Variants in CAPN2 observed in about 807,000 individuals in gnomAD.
The protein encoded by CAPN2 is calpain-2 catalytic subunit.
In CAPN2, 92 loss-of-function variants were observed where a neutral mutation model predicts 102.3. That is an observed-to-expected ratio of 0.90 (90% CI 0.76 to 1.07). The LOEUF (loss-of-function observed/expected upper bound fraction) is 1.07. Among genes scored for constraint, CAPN2 ranks in the 50% least tolerant of loss-of-function variants. The pLI is 0.00. For synonymous variants in CAPN2, 340 were observed against 355.4 expected, an observed-to-expected ratio of 0.96 and a Z score of 0.49; for missense variants, 800 against 909.4, an observed-to-expected ratio of 0.88 and a Z score of 1.55.
intron 7 of CAPN2, 51 bp from the exon 8 acceptor site, chr1:223,751,946 T>C (rs1422302192): frequency 7.9e-7 from 1 of 1,267,248 alleles, no homozygotes; most frequent in Non-Finnish European, 1.1e-6. Context: ...CTGGGGCCTT[T>C]GGGGAGAAAT....
chr1:223,720,191 A>AC (rs1370946238), intron 2 of CAPN2, among the ~76,000 whole-genome samples: 2 of 151,314 alleles, frequency 1.3e-5, no homozygotes, highest in African/African-American at 2.4e-5. Context: ...GACCTCAGAC[A>AC]CCCCCTATGA....
At chr1:223,749,191 T>C in intron 6 of CAPN2, 69 bp downstream of exon 6, 1 of 1,403,414 alleles carries the variant, frequency 7.1e-7, no homozygotes, top group Non-Finnish European at 1.0e-6. Flanking sequence ...CAGTTTGTGG[T>C]GATGCCCAGG....
At chr1:223,711,636 A>C (rs1659729770), upstream of CAPN2, among the ~76,000 whole-genome samples, 1 of 152,032 alleles carries the variant, frequency 6.6e-6, no homozygotes, top group African/African-American at 2.4e-5. Context: ...TTTGATATGG[A>C]GTTTCGCTTT....
At chr1:223,750,621 A>G (rs553238467) in intron 6 of CAPN2, among the ~76,000 whole-genome samples, 3 of 152,362 alleles carry the variant, frequency 2.0e-5, no homozygotes, top group Non-Finnish European at 4.4e-5. Context: ...AAGTTCAGAG[A>G]TGAAGCACCA....
intron 1 of CAPN2, among the ~76,000 whole-genome samples, chr1:223,703,652 G>A (rs186232535): frequency 6.6e-6 from 1 of 152,264 alleles, no homozygotes; most frequent in East Asian, 1.9e-4. Context: ...TAGGTGTAAG[G>A]CTTATGTTAT....
At chr1:223,749,307 C>A in intron 6 of CAPN2, 185 bp downstream of exon 6, 1 of 599,520 alleles carries the variant, frequency 1.7e-6, no homozygotes, top group South Asian at 2.0e-5. Flanking sequence ...GCGCCGGGTG[C>A]GCCGCGCTGC....
intron 14 of CAPN2, 32 bp from the exon 15 acceptor site, chr1:223,764,118 C>T (rs28370138): frequency 6.3e-4 from 996 of 1,592,330 alleles, no homozygotes; most frequent in Non-Finnish European, 7.9e-4. Context: ...CCACGGGGGG[C>T]CAATAACTAT....
rs147235023 is a variant in CAPN2, at chr1:223,745,429, G to A, written c.550G>A (p.Ala184Thr). 464 of 1,614,184 alleles carry A rather than the reference G, an allele frequency of 2.9e-4. 1 individual carries two copies. The African/African-American group carries it at 4.5e-3, about 16-fold the overall frequency. Residue 184 changes from alanine (A) to threonine (T), a missense_variant, in exon 4 of 21, where the codon GCA (alanine) becomes ACA (threonine). Coordinates refer to ENST00000295006, the MANE Select transcript of CAPN2 (RefSeq NM_001748.5). ...SEFWSALLEK[A>T]YAKINGCYEA... ...GTTCTGGAGCGCCCTGCTGGAGAAG[G>A]CATACGCCAAGTAAGTTGCCATCCT...
rs377458362 is a variant in CAPN2, at chr1:223,750,886, G to C, written c.814-4G>C. ...TTACTCCTCCCTTTTATCTAATCCTGCAGGTTGAAAGTAACGGAAGCCTAC... is the reference window on the plus strand; with the variant it reads ...TTACTCCTCCCTTTTATCTAATCCTCCAGGTTGAAAGTAACGGAAGCCTAC... On this transcript the variant is annotated splice_polypyrimidine_tract_variant and splice_region_variant and intron_variant, in intron 6 of 20. Transcript: ENST00000295006. 1.1e-5 allele frequency: 17 copies of C among 1,551,610 alleles called. No individual in the cohort carries two copies. In the East Asian group the frequency reaches 4.2e-4, roughly 38 times the overall value.
chr1:223,757,684 A>G, intron 11 of CAPN2: 1 of 476,904 alleles, frequency 2.1e-6, no homozygotes, highest in Non-Finnish European at 3.8e-6. Flanking sequence ...GGCTTTTCAC[A>G]AAGTTCTTTG....
At position 223,775,177 on chromosome 1, in the gene CAPN2, G is replaced by GAA; in HGVS notation, c.*328_*329dup. 2 of 246,430 alleles carry GAA rather than the reference G, an allele frequency of 8.1e-6. No individual in the cohort carries two copies. The highest frequency in any genetic ancestry group is 1.5e-5 in the Non-Finnish European group (2 of 130,382). The allele number at this position is 246,430 out of a possible 1,614,324, so 15.3% of individuals were successfully genotyped here. A position where few individuals can be genotyped will look rare whatever the true frequency, so the allele number is the denominator to read the frequency against. On this transcript the variant is annotated 3_prime_UTR_variant, in exon 21 of 21. Transcript: ENST00000295006. ...CCTGTTCATAGCAATATTAAATCAG[G>GAA]AAAAAAAAATGCAGGGAGGTATTTA... is the stretch of plus-strand genomic sequence containing the variant.
chr1:223,719,976 G>T (rs958138847), intron 2 of CAPN2, among the ~76,000 whole-genome samples: 1 of 152,110 alleles, frequency 6.6e-6, no homozygotes, highest in African/African-American at 2.4e-5. Flanking sequence ...GGTGCTGATG[G>T]GGCCTTGACC....
At chr1:223,719,799 TGTGTGC>T (rs1325830886) in intron 2 of CAPN2, among the ~76,000 whole-genome samples, 1 of 79,482 alleles carries the variant, frequency 1.3e-5, no homozygotes, top group African/African-American at 6.5e-5. Context: ...TTCTCAGGGG[TGTGTGC>T]GTGTGTGTGT....
At chr1:223,703,816 T>C (rs1336489402) in intron 1 of CAPN2, among the ~76,000 whole-genome samples, 2 of 152,220 alleles carry the variant, frequency 1.3e-5, no homozygotes, top group Non-Finnish European at 2.9e-5. Flanking sequence ...AATTCTCTGC[T>C]ACAGGACTTG....
At chr1:223,717,605 A>G (rs1437258812) in intron 1 of CAPN2, among the ~76,000 whole-genome samples, 157 bp from the exon 2 acceptor site, 1 of 151,998 alleles carries the variant, frequency 6.6e-6, no homozygotes, top group African/African-American at 2.4e-5. Context: ...GGTCAGAAGG[A>G]CCTCATGACA....
intron 16 of CAPN2, 83 bp downstream of exon 16, chr1:223,766,514 C>A: frequency 8.9e-7 from 1 of 1,119,500 alleles, no homozygotes; most frequent in South Asian, 1.3e-5. Context: ...ATGGCCTTCT[C>A]CCTTTTCAAA....
intron 16 of CAPN2, among the ~76,000 whole-genome samples, chr1:223,769,123 G>T (rs28370162): frequency 0.021 from 3,212 of 152,114 alleles, 108 homozygotes; most frequent in African/African-American, 0.073. Context: ...TGTTTAGTTG[G>T]TTGGTTGGTT....
intron 2 of CAPN2, among the ~76,000 whole-genome samples, chr1:223,722,950 T>A (rs116523086): frequency 0.011 from 1,608 of 152,338 alleles, 25 homozygotes; most frequent in African/African-American, 0.036. Context: ...CTCAAGTCTT[T>A]CCTTAATTTT....
chr1:223,748,588 A>G (rs28370062), intron 5 of CAPN2, among the ~76,000 whole-genome samples: 404 of 152,268 alleles, frequency 2.7e-3, no homozygotes, highest in African/African-American at 9.5e-3. Flanking sequence ...TGGTGGGGCG[A>G]GGGTGTGCTC....
Sources: gnomAD v4.1 joint callset for allele counts (sites outside exome capture counted in the v4.1 genomes callset) on GRCh38, gnomAD v4.1.1 for gene constraint, MANE v1.5 for transcripts, NCBI Gene and HGNC (gene_info 2026-07-23, HGNC 2026-07-21) for gene names.